The following DNAJC18 variants were observed in gnomAD, a reference collection of about 807,000 sequenced individuals.
The protein encoded by DNAJC18 is dnaJ homolog subfamily C member 18.
A neutral mutation model predicts 48.6 loss-of-function variants in DNAJC18; 40 were observed. The ratio of observed to expected loss-of-function variants is 0.82; its 90% CI spans 0.64 to 1.07. The LOEUF is 1.07. Ranked by LOEUF, DNAJC18 falls within the 50% of genes least tolerant of loss-of-function variation. The pLI is 0.00. For missense variants in DNAJC18, 340 were observed against 427.7 expected (o/e 0.79, Z 1.81); for synonymous variants, 135 against 152.2 (o/e 0.89, Z 0.83).
Position 139,439,177 on chromosome 5 carries a change from G to A in DNAJC18, c.40+229C>T, listed in dbSNP as rs1343975031. 3.3e-5 allele frequency among the ~76,000 whole-genome samples: 5 copies of A among 151,668 alleles called. No individual in the cohort carries two copies. Among genetic ancestry groups the A allele is most frequent in the Admixed American group, 3.3e-4 (5 of 15,230 alleles). ...GGGCCCTGGGCGGGGCACGGGCGGG[G>A]GCGGGGCTGGGGGCCGGAGGCAACA... is the stretch of plus-strand genomic sequence containing the variant. On this transcript the variant is annotated intron_variant, in intron 1 of 7. Transcript: ENST00000302060. This position sits in a 1 kb window ranked among gnomAD's most constrained non-coding sequence, Gnocchi z 4.1.
Position 139,412,789 on chromosome 5 carries a change from C to T in DNAJC18, c.*1359G>A. 2 of 398,660 alleles carry T rather than the reference C, an allele frequency of 5.0e-6. No individual in the cohort carries two copies. The highest frequency in any genetic ancestry group is 4.4e-6 in the Non-Finnish European group (1 of 226,102). The allele number at this position is 398,660 out of a possible 1,614,324, so 24.7% of individuals were successfully genotyped here. A position where few individuals can be genotyped will look rare whatever the true frequency, so the allele number is the denominator to read the frequency against. ...TTTTGTGTACAGAATTTATGTTAGA[C>T]AGGGTCCTGCTTCCTAAAGAGCAGC... On this transcript the variant is annotated 3_prime_UTR_variant, in exon 8 of 8. Coordinates refer to ENST00000302060, the MANE Select transcript of DNAJC18 (RefSeq NM_152686.4).
chr5:139,428,222 C>T (rs1236898128), intron 3 of DNAJC18, among the ~76,000 whole-genome samples: 1 of 152,184 alleles, frequency 6.6e-6, no homozygotes, highest in Non-Finnish European at 1.5e-5. Context: ...CATGGCAAAA[C>T]CCCATCTCCA....
At chr5:139,430,586 C>CTT (rs70982778) in intron 2 of DNAJC18, among the ~76,000 whole-genome samples, 71,451 of 145,770 alleles carry the variant, frequency 0.49, 20,407 homozygotes, top group Non-Finnish European at 0.65. Flanking sequence ...ATATCTACCT[C>CTT]TTTTTTTTTT....
chr5:139,432,132 T>C (rs1759339024), intron 2 of DNAJC18, among the ~76,000 whole-genome samples: 1 of 152,142 alleles, frequency 6.6e-6, no homozygotes, highest in Non-Finnish European at 1.5e-5. Context: ...AGTTTTTAAA[T>C]GTTTTCTCCC....
intron 7 of DNAJC18, chr5:139,419,163 A>ATT (rs1440871364): frequency 2.4e-5 from 11 of 450,342 alleles, no homozygotes; most frequent in African/African-American, 2.2e-4. Flanking sequence ...TTCAGTTAAA[A>ATT]GGGTACCTCC....
At chr5:139,415,385 C>T (rs977079140) in intron 7 of DNAJC18, among the ~76,000 whole-genome samples, 11 of 152,148 alleles carry the variant, frequency 7.2e-5, no homozygotes, top group Admixed American at 7.2e-4. Context: ...TGCTATTTAC[C>T]CCCAAGTAAG....
In DNAJC18 at chr5:139,412,122, A is replaced by C. The variant is rs1428766505; in HGVS notation, c.*2026T>G. The C allele has an allele frequency of 1.3e-5, 2 of 152,104 alleles. No individual in the cohort carries two copies. Among genetic ancestry groups the C allele is most frequent in the Non-Finnish European group, 2.9e-5 (2 of 68,024 alleles). 9.4% of individuals were successfully genotyped at this position (152,104 alleles called of 1,614,324 possible). A position where few individuals can be genotyped will look rare whatever the true frequency, so the allele number is the denominator to read the frequency against. On this transcript the variant is annotated 3_prime_UTR_variant, in exon 8 of 8. Coordinates refer to ENST00000302060, the MANE Select transcript of DNAJC18 (RefSeq NM_152686.4). ...TCCCCTACAAGCCACTAAAGCCCCC[A>C]ATCTTTACCTGTGAACCCATCTCCT... is the stretch of plus-strand genomic sequence containing the variant.
Position 139,413,747 on chromosome 5 carries a change from T to G in DNAJC18, c.*401A>C, listed in dbSNP as rs1167045885. 1 of 161,158 alleles carries G rather than the reference T, an allele frequency of 6.2e-6. No individual in the cohort carries two copies. The highest frequency in any genetic ancestry group is 1.3e-5 in the Non-Finnish European group (1 of 74,482). The allele number at this position is 161,158 out of a possible 1,614,324, so 10.0% of individuals were successfully genotyped here. A position where few individuals can be genotyped will look rare whatever the true frequency, so the allele number is the denominator to read the frequency against. Reference sequence around the variant, plus strand: ...GAGAGGTATAATTCTTGGTAGACAGTGTAAATAACTAATATTAAGCTTTGG... The same window carrying G: ...GAGAGGTATAATTCTTGGTAGACAGGGTAAATAACTAATATTAAGCTTTGG... On this transcript the variant is annotated 3_prime_UTR_variant, in exon 8 of 8. Transcript: ENST00000302060.
chr5:139,414,067 G>C lies in DNAJC18; in HGVS notation c.*81C>G, dbSNP rs1423053997. 6.4e-7 allele frequency: 1 copy of C among 1,554,010 alleles called. No homozygotes were observed. The highest frequency in any genetic ancestry group is 1.2e-5 in the South Asian group (1 of 80,766). On this transcript the variant is annotated 3_prime_UTR_variant, in exon 8 of 8. Transcript: ENST00000302060. ...ATAGTAAAGTGTTCATCATTACCTA[G>C]TTTTGTATTATAAAATGGAATCAGG...
At chr5:139,416,668 C>G (rs1339452923) in intron 7 of DNAJC18, among the ~76,000 whole-genome samples, 1 of 152,252 alleles carries the variant, frequency 6.6e-6, no homozygotes, top group East Asian at 1.9e-4. Flanking sequence ...CTTCTACCCA[C>G]TAGGTTATCC....
At chr5:139,414,346 AAGCTCCTTTTACTTCAT>A in intron 7 of DNAJC18, 74 bp from the exon 8 acceptor site, 1 of 1,530,838 alleles carries the variant, frequency 6.5e-7, no homozygotes, top group Non-Finnish European at 8.7e-7. Context: ...TCTGGAGTCA[AAGCTCCTTTTACTTCAT>A]TTCAAGCTTT....
Position 139,410,783 on chromosome 5 carries a change from T to A in DNAJC18, c.*3365A>T, listed in dbSNP as rs1291945407. 1 of 153,294 alleles carries A rather than the reference T, an allele frequency of 6.5e-6. No individual in the cohort carries two copies. Among genetic ancestry groups the A allele is most frequent in the Non-Finnish European group, 1.4e-5 (1 of 68,990 alleles). The allele number at this position is 153,294 out of a possible 1,614,324, so 9.5% of individuals were successfully genotyped here. ...TTTTCTTTTTTCTTTCTTTTTTTTT[T>A]TTTGAGACAGAGTCTTGCTCTGTCA... On this transcript the variant is annotated 3_prime_UTR_variant, in exon 8 of 8. Coordinates refer to ENST00000302060, the MANE Select transcript of DNAJC18 (RefSeq NM_152686.4).
At position 139,419,209 on chromosome 5, in the gene DNAJC18, C is replaced by T. The variant is rs554719748; in HGVS notation, c.952+844G>A. 1.6e-5 allele frequency: 7 copies of T among 442,656 alleles called. No homozygotes were observed. In the East Asian group the frequency reaches 4.2e-4, roughly 26 times the overall value. 27.4% of individuals were successfully genotyped at this position (442,656 alleles called of 1,614,324 possible). On this transcript the variant is annotated intron_variant, in intron 7 of 7. Coordinates refer to ENST00000302060, the MANE Select transcript of DNAJC18 (RefSeq NM_152686.4). ...AAAAGAAAATAAAAATAATCAAAACCAAGTTTTAGAAGACACAGTCACTAA... is the reference window on the plus strand; with the variant it reads ...AAAAGAAAATAAAAATAATCAAAACTAAGTTTTAGAAGACACAGTCACTAA...
At chr5:139,428,937 T>C (rs563484031) in intron 2 of DNAJC18, among the ~76,000 whole-genome samples, 3 of 152,298 alleles carry the variant, frequency 2.0e-5, no homozygotes, top group African/African-American at 4.8e-5. Context: ...ACAAGTATGC[T>C]AATTGTTACA....
rs778307046 is a variant in DNAJC18, at chr5:139,420,222, G to A, written c.783C>T (p.Thr261=). 1 of 1,606,064 alleles carries A rather than the reference G, an allele frequency of 6.2e-7. No individual in the cohort carries two copies. Among genetic ancestry groups the A allele is most frequent in the South Asian group, 1.1e-5 (1 of 89,090 alleles). ...TTTCTCTAGAAATGGTGTAGCCCAA[G>A]GTCCTGAAACAAGGAGAGAGAGGCT... The part of the protein sequence containing the change: ...NPPYSLFYKS[T]LGYTISRETQ... Residue 261 remains threonine, a synonymous_variant, in exon 7 of 8, where the codon ACC becomes ACT. Coordinates refer to ENST00000302060, the MANE Select transcript of DNAJC18 (RefSeq NM_152686.4).
chr5:139,430,929 A>G (rs1236386004), intron 2 of DNAJC18, among the ~76,000 whole-genome samples: 2 of 152,188 alleles, frequency 1.3e-5, no homozygotes, highest in East Asian at 3.8e-4. Context: ...TAATATATAC[A>G]TTACCTACTA....
At position 139,411,641 on chromosome 5, in the gene DNAJC18, C is replaced by G. The variant is rs1758997147; in HGVS notation, c.*2507G>C. 6.6e-6 allele frequency: 1 copy of G among 152,150 alleles called. No individual in the cohort carries two copies. Among genetic ancestry groups the G allele is most frequent in the South Asian group, 2.1e-4 (1 of 4,832 alleles). 9.4% of individuals were successfully genotyped at this position (152,150 alleles called of 1,614,324 possible). A position where few individuals can be genotyped will look rare whatever the true frequency, so the allele number is the denominator to read the frequency against. On this transcript the variant is annotated 3_prime_UTR_variant, in exon 8 of 8. Transcript: ENST00000302060. ...CAAATACGGTTCCCTTGAGGAAAAA[C>G]AGATGTGAATGTTGTGGTCTATTGG...
intron 6 of DNAJC18, among the ~76,000 whole-genome samples, chr5:139,422,120 C>G (rs1232061614): frequency 6.6e-6 from 1 of 152,158 alleles, no homozygotes; most frequent in Admixed American, 6.5e-5. Context: ...GCCCTAGAAT[C>G]TGCCTTTCTA....
chr5:139,432,271 TCTC>T (rs1759341264), intron 2 of DNAJC18, among the ~76,000 whole-genome samples: 1 of 151,998 alleles, frequency 6.6e-6, no homozygotes, highest in African/African-American at 2.4e-5. Flanking sequence ...TTCAAGCAAT[TCTC>T]CTGCCTCAGA....
Sources: gnomAD v4.1 joint callset for allele counts (sites outside exome capture counted in the v4.1 genomes callset) on GRCh38, gnomAD v4.1.1 for gene constraint, Gnocchi (gnomAD v3.1) non-coding constraint, MANE v1.5 for transcripts, NCBI Gene and HGNC (gene_info 2026-07-23, HGNC 2026-07-21) for gene names.